TACR1: variants seen among roughly 807,000 people sequenced by gnomAD.
The protein encoded by TACR1 is tachykinin receptor 1.
TACR1 carries 25 observed loss-of-function variants against 35.8 expected under a neutral mutation model. The ratio of observed to expected loss-of-function variants is 0.70; its 90% CI spans 0.51 to 0.98. The LOEUF (loss-of-function observed/expected upper bound fraction) is 0.98, where lower values mean the gene tolerates loss of function less well. TACR1 is among the 50% of genes least tolerant of loss of function. The pLI, the probability that TACR1 is intolerant of heterozygous loss-of-function variation, is 0.00. For missense variants in TACR1, 478 were observed against 522.9 expected, an observed-to-expected ratio of 0.91 and a Z score of 0.84; for synonymous variants, 195 against 206.7, an observed-to-expected ratio of 0.94 and a Z score of 0.48.
At chr2:75,069,706 A>T (rs905790860) in intron 2 of TACR1, among the ~76,000 whole-genome samples, 2 of 152,080 alleles carry the variant, frequency 1.3e-5, no homozygotes, top group Non-Finnish European at 1.5e-5. Context: ...TATTGGTCAG[A>T]TATTTTGTGG....
intron 2 of TACR1, among the ~76,000 whole-genome samples, chr2:75,116,743 T>A (rs926992162): frequency 2.0e-5 from 3 of 152,112 alleles, no homozygotes; most frequent in Non-Finnish European, 4.4e-5. Context: ...ACCCTGTCTC[T>A]ACTAAAAATA....
intron 1 of TACR1, chr2:75,154,410 GCACA>G (rs766455987): frequency 0.013 from 1,016 of 75,352 alleles, 64 homozygotes; most frequent in African/African-American, 0.03. Flanking sequence ...GAGCGCGCAC[GCACA>G]CACACACACA....
Position 75,085,574 on chromosome 2 carries a change from G to A in TACR1, c.585-31819C>T, listed in dbSNP as rs186964572. Among the ~76,000 whole-genome samples, 24 of 152,244 alleles carry A rather than the reference G, an allele frequency of 1.6e-4. No individual in the cohort carries two copies. In the East Asian group the frequency reaches 3.9e-3, roughly 24 times the overall value. ...AAAGTTAATTCTTACTGAAATTAAC[G>A]GCAAATATCATGGAGGATTTGAGGA... is the stretch of plus-strand genomic sequence containing the variant. On this transcript the variant is annotated intron_variant, in intron 2 of 4. Transcript: ENST00000305249.
intron 2 of TACR1, chr2:75,090,996 T>TA (rs1673298439): frequency 1.3e-5 from 2 of 152,208 alleles, no homozygotes; most frequent in Non-Finnish European, 2.9e-5. Flanking sequence ...CTTCTCACCT[T>TA]ATCTGAAAAG....
chr2:75,101,459 T>C (rs935478077), intron 2 of TACR1, among the ~76,000 whole-genome samples: 1 of 152,120 alleles, frequency 6.6e-6, no homozygotes, highest in Non-Finnish European at 1.5e-5. Context: ...GTAGGTAATA[T>C]TATTATTCCT....
chr2:75,096,785 C>A (rs1330214797), intron 2 of TACR1, among the ~76,000 whole-genome samples: 1 of 152,166 alleles, frequency 6.6e-6, no homozygotes, highest in African/African-American at 2.4e-5. Flanking sequence ...TTGAGAGCTT[C>A]CAACATAGGT....
intron 1 of TACR1, among the ~76,000 whole-genome samples, chr2:75,141,805 GCT>G (rs1372149047): frequency 6.6e-6 from 1 of 152,098 alleles, no homozygotes; most frequent in Non-Finnish European, 1.5e-5. Flanking sequence ...AAATTTCATT[GCT>G]CTGTTTTTCA....
intron 1 of TACR1, among the ~76,000 whole-genome samples, chr2:75,121,278 C>T (rs980037734): frequency 6.6e-6 from 1 of 152,138 alleles, no homozygotes; most frequent in Non-Finnish European, 1.5e-5. Flanking sequence ...AAGCATTGGC[C>T]TAAAGTCAGC....
rs1452463250 is a variant in TACR1, at chr2:75,198,687, G to A, written c.248C>T (p.Ala83Val). The A allele has an allele frequency of 1.2e-6, 2 of 1,614,226 alleles. No homozygotes were observed. The highest frequency in any genetic ancestry group is 1.1e-5 in the South Asian group (1 of 91,078). ...GGTGAAGTTCACCACTGTATTGAAT[G>A]CAGCCATGGAGGCCTCCGCGAAGGC... ...NLAFAEASMA[A>V]FNTVVNFTYA... is the part of the protein sequence containing the mutation. Residue 83 changes from alanine to valine, a missense_variant, in exon 1 of 5, where the codon GCA (alanine) becomes GTA (valine). Physicochemically the swap from Ala to Val is moderately conservative, Grantham distance 64 (BLOSUM62 0). Coordinates refer to ENST00000305249, the MANE Select transcript of TACR1 (RefSeq NM_001058.4).
At chr2:75,051,164 G>T in intron 4 of TACR1, 87 bp downstream of exon 4, 1 of 1,558,318 alleles carries the variant, frequency 6.4e-7, no homozygotes, top group Non-Finnish European at 8.8e-7. Flanking sequence ...TCACAGCTGG[G>T]TTTACTCATT....
chr2:75,071,389 A>G (rs1232915375), intron 2 of TACR1, among the ~76,000 whole-genome samples: 1 of 152,202 alleles, frequency 6.6e-6, no homozygotes, highest in Non-Finnish European at 1.5e-5. Flanking sequence ...TCCTTCTTCA[A>G]GGTCCATCTT....
At chr2:75,156,602 CA>C (rs58048867) in intron 1 of TACR1, among the ~76,000 whole-genome samples, 8,635 of 108,272 alleles carry the variant, frequency 0.08, 201 homozygotes, top group Non-Finnish European at 0.1. Flanking sequence ...GACTCCGTCT[CA>C]AAAAAAAAAA....
chr2:75,097,155 G>A (rs544501727), intron 2 of TACR1, among the ~76,000 whole-genome samples: 1 of 152,344 alleles, frequency 6.6e-6, no homozygotes, highest in East Asian at 1.9e-4. Context: ...AAGAATAGAA[G>A]TAGGTGCCTT....
intron 2 of TACR1, among the ~76,000 whole-genome samples, chr2:75,066,151 T>C (rs925293832): frequency 1.3e-5 from 2 of 152,212 alleles, no homozygotes; most frequent in Non-Finnish European, 2.9e-5. Flanking sequence ...AGTAGTTTCA[T>C]TGTAAAGGTG....
chr2:75,150,050 A>T (rs1206206545), intron 1 of TACR1, among the ~76,000 whole-genome samples: 2 of 152,054 alleles, frequency 1.3e-5, no homozygotes, highest in Non-Finnish European at 2.9e-5. Context: ...GCTTTTATTG[A>T]TTTGCATATG....
At chr2:75,174,987 T>C (rs1181645094) in intron 1 of TACR1, among the ~76,000 whole-genome samples, 1 of 152,214 alleles carries the variant, frequency 6.6e-6, no homozygotes, top group Non-Finnish European at 1.5e-5. Flanking sequence ...CCCAATAGTT[T>C]ATTGATTTTT....
At chr2:75,160,074 A>G (rs531646531) in intron 1 of TACR1, among the ~76,000 whole-genome samples, 3 of 152,294 alleles carry the variant, frequency 2.0e-5, no homozygotes, top group Non-Finnish European at 2.9e-5. Context: ...AAGAATATCA[A>G]ACAACACTTG....
At chr2:75,131,148 G>A (rs1469555386) in intron 1 of TACR1, among the ~76,000 whole-genome samples, 1 of 151,584 alleles carries the variant, frequency 6.6e-6, no homozygotes, top group Non-Finnish European at 1.5e-5. Context: ...GAGTGCAGTG[G>A]CACTATCTCA....
At chr2:75,190,140 A>G (rs1410877025) in intron 1 of TACR1, among the ~76,000 whole-genome samples, 1 of 152,246 alleles carries the variant, frequency 6.6e-6, no homozygotes, top group Non-Finnish European at 1.5e-5. Flanking sequence ...TGTAACTTCA[A>G]CAAATTGAAT....
Sources: allele counts gnomAD v4.1 joint callset (sites outside exome capture counted in the v4.1 genomes callset), GRCh38; gene constraint gnomAD v4.1.1; transcripts MANE v1.5; gene names NCBI Gene and HGNC (gene_info 2026-07-23, HGNC 2026-07-21).